The following EXT2 variants were observed in gnomAD, a reference collection of about 807,000 sequenced individuals.
The protein encoded by EXT2 is exostosin glycosyltransferase 2.
Under a neutral mutation model 81.6 loss-of-function variants are expected in EXT2, and 53 were observed. The observed-to-expected ratio is 0.65, with a 90% CI of 0.52 to 0.82. The LOEUF (loss-of-function observed/expected upper bound fraction) is 0.82, where lower values mean the gene tolerates loss of function less well. Among genes scored for constraint, EXT2 ranks in the 40% least tolerant of loss-of-function variants. EXT2 has a pLI of 0.00. For missense variants in EXT2, 774 were observed against 910.2 expected, an observed-to-expected ratio of 0.85 and a Z score of 1.93; for synonymous variants, 320 against 340.0, an observed-to-expected ratio of 0.94 and a Z score of 0.65.
intron 3 of EXT2, among the ~76,000 whole-genome samples, chr11:44,111,427 G>T (rs1954141177): frequency 6.6e-6 from 1 of 151,942 alleles, no homozygotes; most frequent in South Asian, 2.1e-4. Context: ...TTTTTCTATG[G>T]ATTTAGACAC....
At position 44,250,250 on chromosome 11, in the gene EXT2, T is replaced by C. The variant is rs1457009534; in HGVS notation, c.*5963T>C. On this transcript the variant is annotated 3_prime_UTR_variant, in exon 14 of 14. Transcript: ENST00000533608. ...AGGACTCTAAGCATGTATGTTTTAG[T>C]CCCAGCTGTAAATGAGGATTCCATT... is the stretch of plus-strand genomic sequence containing the variant. 1.3e-5 allele frequency among the ~76,000 whole-genome samples: 2 copies of C among 152,306 alleles called. No homozygotes were observed. The highest frequency in any genetic ancestry group is 1.3e-4 in the Admixed American group (2 of 15,294).
At chr11:44,140,209 C>A (rs1394745173) in intron 7 of EXT2, among the ~76,000 whole-genome samples, 2 of 152,210 alleles carry the variant, frequency 1.3e-5, no homozygotes, top group African/African-American at 2.4e-5. Flanking sequence ...TTCCTAAAGG[C>A]AGTCTGACTG....
chr11:44,165,147 G>A (rs1359736082), intron 7 of EXT2, among the ~76,000 whole-genome samples: 1 of 152,122 alleles, frequency 6.6e-6, no homozygotes, highest in Non-Finnish European at 1.5e-5. Context: ...CAAAGTGCTG[G>A]GATTACAGGC....
chr11:44,104,544 T>C (rs1269764843), intron 1 of EXT2: 2 of 152,356 alleles, frequency 1.3e-5, no homozygotes, highest in South Asian at 2.1e-4. Context: ...TATTTTAAAC[T>C]TACTGATAAC....
In EXT2 at chr11:44,138,770, G is replaced by A. The variant is rs114011275; in HGVS notation, c.1173+8632G>A. Among the ~76,000 whole-genome samples, 576 of 152,288 alleles carry A rather than the reference G, an allele frequency of 3.8e-3. 5 individuals carry two copies. Among genetic ancestry groups the A allele is most frequent in the African/African-American group, 0.013 (542 of 41,554 alleles). On this transcript the variant is annotated intron_variant, in intron 7 of 13. Coordinates refer to ENST00000533608, the MANE Select transcript of EXT2 (RefSeq NM_207122.2). ...ACTTGAATTTGAGTCCTGCTCTGCC[G>A]GGTGTGTACCAGTTTTGTAGCTTCT...
At chr11:44,146,507 G>T (rs971859114) in intron 7 of EXT2, among the ~76,000 whole-genome samples, 1 of 152,140 alleles carries the variant, frequency 6.6e-6, no homozygotes, top group African/African-American at 2.4e-5. Context: ...AGGCCAGACG[G>T]GATAGGAGCC....
At chr11:44,136,806 C>T (rs550511363) in intron 7 of EXT2, among the ~76,000 whole-genome samples, 14 of 152,296 alleles carry the variant, frequency 9.2e-5, no homozygotes, top group African/African-American at 3.1e-4. Flanking sequence ...TGCTTTTGTA[C>T]TTGCCCTTAA....
chr11:44,239,689 CTTT>C (rs397849292), intron 13 of EXT2, among the ~76,000 whole-genome samples: 20 of 85,336 alleles, frequency 2.3e-4, no homozygotes, highest in African/African-American at 8.0e-4. Context: ...CCCTGCCTGG[CTTT>C]TTTTTTTTTT....
At chr11:44,164,378 G>A (rs1375701657) in intron 7 of EXT2, among the ~76,000 whole-genome samples, 1 of 152,096 alleles carries the variant, frequency 6.6e-6, no homozygotes, top group Non-Finnish European at 1.5e-5. Context: ...TCAGTGGGCT[G>A]TTTTCTCTTA....
chr11:44,198,462 G>A (rs1165993086), intron 9 of EXT2, among the ~76,000 whole-genome samples: 1 of 151,956 alleles, frequency 6.6e-6, no homozygotes, highest in Non-Finnish European at 1.5e-5. Flanking sequence ...TTCAAGTCAG[G>A]TCCTTAAAGA....
intron 1 of EXT2, among the ~76,000 whole-genome samples, chr11:44,098,338 G>A (rs1488032620): frequency 6.6e-6 from 1 of 152,128 alleles, no homozygotes; most frequent in Non-Finnish European, 1.5e-5. Context: ...CGGGAGCACT[G>A]TCACTTCAGT....
At chr11:44,107,511 G>A (rs751216241) in intron 1 of EXT2, among the ~76,000 whole-genome samples, 172 bp from the exon 2 acceptor site, 19 of 152,116 alleles carry the variant, frequency 1.2e-4, no homozygotes, top group African/African-American at 4.6e-4. Context: ...TGAGCCTGGG[G>A]AGGTGAAGGT....
chr11:44,214,063 G>A (rs1955684596), intron 10 of EXT2, among the ~76,000 whole-genome samples: 1 of 152,178 alleles, frequency 6.6e-6, no homozygotes, highest in Middle Eastern at 3.4e-3. Flanking sequence ...CACATTCTTT[G>A]CTTCTGTTGC....
At chr11:44,241,245 T>C (rs1182091198) in intron 13 of EXT2, among the ~76,000 whole-genome samples, 1 of 152,060 alleles carries the variant, frequency 6.6e-6, no homozygotes, top group African/African-American at 2.4e-5. Flanking sequence ...TCACCAAGGT[T>C]AGGGCAATAT....
chr11:44,196,625 C>G (rs1955458934), intron 8 of EXT2, among the ~76,000 whole-genome samples: 1 of 152,148 alleles, frequency 6.6e-6, no homozygotes, highest in African/African-American at 2.4e-5. Flanking sequence ...CAATCCTGCC[C>G]TCAAAAAATA....
At chr11:44,103,723 T>G (rs1258334080) in intron 1 of EXT2, 1 of 403,858 alleles carries the variant, frequency 2.5e-6, no homozygotes, top group Non-Finnish European at 4.8e-6. Flanking sequence ...TCAGAGTTGC[T>G]GTTTCTCCTT....
At chr11:44,193,885 C>T (rs1955424035) in intron 8 of EXT2, among the ~76,000 whole-genome samples, 1 of 152,140 alleles carries the variant, frequency 6.6e-6, no homozygotes. Context: ...AGTTACTGTC[C>T]ACTTCCCAGC....
At chr11:44,233,002 T>C (rs1171269570) in intron 11 of EXT2, among the ~76,000 whole-genome samples, 1 of 152,206 alleles carries the variant, frequency 6.6e-6, no homozygotes, top group Non-Finnish European at 1.5e-5. Context: ...TAACGCTTAA[T>C]ATCTAATGTT....
chr11:44,164,797 T>C (rs1954970479), intron 7 of EXT2, among the ~76,000 whole-genome samples: 1 of 152,150 alleles, frequency 6.6e-6, no homozygotes. Flanking sequence ...ACCTGTAACC[T>C]AACTCTTCAA....
Sources: allele counts gnomAD v4.1 joint callset (sites outside exome capture counted in the v4.1 genomes callset), GRCh38; gene constraint gnomAD v4.1.1; transcripts MANE v1.5; gene names NCBI Gene and HGNC (gene_info 2026-07-23, HGNC 2026-07-21).